The following CSGALNACT1 variants were observed in gnomAD, a reference collection of about 807,000 sequenced individuals.
CSGALNACT1 encodes the protein beta4GalNAcT-1.
A neutral mutation model predicts 51.0 loss-of-function variants in CSGALNACT1; 52 were observed. The observed-to-expected ratio is 1.02, with a 90% CI of 0.82 to 1.29. The LOEUF (loss-of-function observed/expected upper bound fraction) is 1.29. Ranked by LOEUF, CSGALNACT1 falls within the 50% of genes most tolerant of loss-of-function variation. The pLI, the probability that CSGALNACT1 is intolerant of heterozygous loss-of-function variation, is 0.00. For missense variants in CSGALNACT1, 935 were observed against 679.2 expected (o/e 1.38, Z -4.19); for synonymous variants, 341 against 254.4 (o/e 1.34, Z -3.24).
At chr8:19,535,456 C>T (rs888621766) in intron 3 of CSGALNACT1, among the ~76,000 whole-genome samples, 1 of 152,104 alleles carries the variant, frequency 6.6e-6, no homozygotes, top group African/African-American at 2.4e-5. Flanking sequence ...GGTGATTTAC[C>T]AGTTGAACTC....
intron 4 of CSGALNACT1, among the ~76,000 whole-genome samples, chr8:19,496,438 G>A (rs1474512473): frequency 6.6e-6 from 1 of 152,196 alleles, no homozygotes; most frequent in African/African-American, 2.4e-5. Context: ...GAACTAGGTT[G>A]TGAGGTTGTG....
intron 1 of CSGALNACT1, among the ~76,000 whole-genome samples, chr8:19,623,912 T>G (rs1029091715): frequency 1.3e-5 from 2 of 152,350 alleles, no homozygotes; most frequent in East Asian, 1.9e-4. Flanking sequence ...TACTTAAGCC[T>G]GTGCCTATGA....
intron 1 of CSGALNACT1, 88 bp from the exon 2 acceptor site, chr8:19,601,953 C>A (rs1190549705): frequency 2.2e-6 from 1 of 444,980 alleles, no homozygotes; most frequent in East Asian, 7.0e-5. Flanking sequence ...CATTTTAAAT[C>A]ACTTAGTATA....
In CSGALNACT1 at chr8:19,454,111, C is replaced by A. The variant is rs1212201205; in HGVS notation, c.851+4315G>T. 1.6e-3 allele frequency among the ~76,000 whole-genome samples: 240 copies of A among 152,212 alleles called. 3 individuals carry two copies. Among genetic ancestry groups the A allele is most frequent in the Non-Finnish European group, 1.3e-4 (9 of 68,036 alleles). On this transcript the variant is annotated intron_variant, in intron 5 of 9. Coordinates refer to ENST00000454498, the Ensembl canonical transcript of CSGALNACT1. ...TTAATGCCAGAATATCTACAAAGTC[C>A]TGAGGAATGACAGTGTGTCCCATGA... is the stretch of plus-strand genomic sequence containing the variant.
intron 5 of CSGALNACT1, among the ~76,000 whole-genome samples, chr8:19,453,989 T>C (rs1176643190): frequency 3.3e-5 from 5 of 152,096 alleles, no homozygotes; most frequent in Admixed American, 2.6e-4. Flanking sequence ...ATTAAGTGAA[T>C]GTGATTAAAG....
At chr8:19,564,956 T>G (rs1306717278) in intron 3 of CSGALNACT1, among the ~76,000 whole-genome samples, 1 of 152,166 alleles carries the variant, frequency 6.6e-6, no homozygotes, top group Non-Finnish European at 1.5e-5. Flanking sequence ...AGTGAACATA[T>G]CTAGGTCACT....
intron 3 of CSGALNACT1, among the ~76,000 whole-genome samples, chr8:19,524,340 T>A (rs1475834444): frequency 6.6e-6 from 1 of 151,952 alleles, no homozygotes; most frequent in Non-Finnish European, 1.5e-5. Flanking sequence ...CCATCCCCAC[T>A]CCAATTCCGC....
chr8:19,458,458 C>T, exon 5 of CSGALNACT1: 1 of 1,614,156 alleles, frequency 6.2e-7, no homozygotes, highest in Non-Finnish European at 8.5e-7. Context: ...GGAACTTGTC[C>T]ACCCTTTTTG....
chr8:19,513,413 TCA>T (rs1491465847), intron 3 of CSGALNACT1, among the ~76,000 whole-genome samples: 7,786 of 63,048 alleles, frequency 0.12, 486 homozygotes, highest in Non-Finnish European at 0.16. Context: ...TTTCTCTCTC[TCA>T]CTCTCTCTCT....
intron 1 of CSGALNACT1, among the ~76,000 whole-genome samples, chr8:19,702,049 A>T (rs968378615): frequency 2.6e-5 from 4 of 152,228 alleles, no homozygotes; most frequent in African/African-American, 7.2e-5. Context: ...GATTGGCTTC[A>T]TAAGTGCCTA....
chr8:19,455,656 C>T (rs1328592431), intron 5 of CSGALNACT1, among the ~76,000 whole-genome samples: 6 of 152,148 alleles, frequency 3.9e-5, no homozygotes, highest in African/African-American at 1.2e-4. Context: ...TTTACCCTCT[C>T]GCATCCCAGT....
chr8:19,489,021 G>T lies in CSGALNACT1; in HGVS notation c.634+16180C>A, dbSNP rs191136964. On this transcript the variant is annotated intron_variant, in intron 4 of 9. Coordinates refer to ENST00000454498, the Ensembl canonical transcript of CSGALNACT1. Reference sequence around the variant, plus strand: ...CAAGAAGAAACAACGGCCCCCATTTGAAGGGCAAAAGATGTATCTCCTACA... The same window carrying T: ...CAAGAAGAAACAACGGCCCCCATTTTAAGGGCAAAAGATGTATCTCCTACA... Among the ~76,000 whole-genome samples, 142 of 152,256 alleles carry T rather than the reference G, an allele frequency of 9.3e-4. 1 individual carries two copies. Among genetic ancestry groups the T allele is most frequent in the Admixed American group, 1.8e-3 (27 of 15,296 alleles).
At chr8:19,546,616 C>G (rs1249736678) in intron 3 of CSGALNACT1, among the ~76,000 whole-genome samples, 2 of 152,222 alleles carry the variant, frequency 1.3e-5, no homozygotes, top group Non-Finnish European at 2.9e-5. Flanking sequence ...GCCACATCCA[C>G]TCTCCCAAGT....
At chr8:19,616,850 A>G (rs1226611485) in intron 1 of CSGALNACT1, among the ~76,000 whole-genome samples, 1 of 151,948 alleles carries the variant, frequency 6.6e-6, no homozygotes, top group Non-Finnish European at 1.5e-5. Context: ...GCGGTCCCCA[A>G]CCTTTTTGGC....
chr8:19,417,779 G>A (rs765282328), intron 8 of CSGALNACT1, among the ~76,000 whole-genome samples: 8 of 152,198 alleles, frequency 5.3e-5, no homozygotes, highest in African/African-American at 1.7e-4. Flanking sequence ...TCATCTCCCC[G>A]CAGGAAAAAA....
chr8:19,512,947 G>T (rs1381151230), intron 3 of CSGALNACT1, among the ~76,000 whole-genome samples: 3 of 152,182 alleles, frequency 2.0e-5, no homozygotes, highest in African/African-American at 7.2e-5. Flanking sequence ...TAACTGAGAA[G>T]TGATGAAGCA....
chr8:19,609,317 G>A (rs1332375051), intron 1 of CSGALNACT1, among the ~76,000 whole-genome samples: 6 of 147,874 alleles, frequency 4.1e-5, no homozygotes, highest in Admixed American at 3.4e-4. Flanking sequence ...ATTGCCCTCA[G>A]GGATCCTACA....
chr8:19,653,397 C>T (rs1564355403), intron 1 of CSGALNACT1, among the ~76,000 whole-genome samples: 1 of 152,188 alleles, frequency 6.6e-6, no homozygotes, highest in Non-Finnish European at 1.5e-5. Flanking sequence ...CCCCCTCAGA[C>T]TCCTTTCTCA....
chr8:19,676,311 G>A (rs1377673271), intron 1 of CSGALNACT1, among the ~76,000 whole-genome samples: 1 of 152,130 alleles, frequency 6.6e-6, no homozygotes, highest in East Asian at 1.9e-4. Context: ...TTTTAGCTAT[G>A]TTCCATAAGG....
Sources: allele counts gnomAD v4.1 joint callset (sites outside exome capture counted in the v4.1 genomes callset), GRCh38; gene constraint gnomAD v4.1.1; transcripts MANE v1.5; gene names NCBI Gene and HGNC (gene_info 2026-07-23, HGNC 2026-07-21).